Variants in COL4A5 observed in about 807,000 individuals in gnomAD.
COL4A5 encodes the protein collagen alpha-5(IV) chain.
COL4A5 carries 26 observed loss-of-function variants against 130.2 expected under a neutral mutation model. The ratio of observed to expected loss-of-function variants is 0.20; its 90% CI spans 0.15 to 0.28. COL4A5 has a LOEUF of 0.28. Among genes scored for constraint, COL4A5 ranks in the 10% least tolerant of loss-of-function variants. The probability of loss-of-function intolerance (pLI) is 1.00; values close to 1 mark genes in which losing one functional copy is unlikely to be tolerated. For missense variants in COL4A5, 1,131 were observed against 1,344.3 expected, an observed-to-expected ratio of 0.84 and a Z score of 2.48; for synonymous variants, 496 against 439.6, an observed-to-expected ratio of 1.13 and a Z score of -1.60.
chrX:108,596,054 T>G (rs2066511467), intron 22 of COL4A5, among the ~76,000 whole-genome samples: 1 of 111,711 alleles, frequency 9.0e-6, no homozygotes, highest in South Asian at 3.8e-4. Context: ...TCTCTATATA[T>G]AACACATCTA....
intron 1 of COL4A5, among the ~76,000 whole-genome samples, chrX:108,473,633 A>ATATATATATATATATATATATTTTTT: frequency 2.9e-5 from 1 of 34,567 alleles, no homozygotes; most frequent in African/African-American, 1.1e-4. Flanking sequence ...ATATATATAT[A>ATATATATATATATATATATATTTTTT]TTTTTTTTTT....
intron 30 of COL4A5, among the ~76,000 whole-genome samples, chrX:108,616,451 G>T (rs2066929242): frequency 9.0e-6 from 1 of 110,744 alleles, no homozygotes; most frequent in South Asian, 3.9e-4. Flanking sequence ...GACCAGGCTG[G>T]TCTCGAACTC....
chrX:108,689,451 T>C (rs2068609643), intron 49 of COL4A5: 1 of 751,559 alleles, frequency 1.3e-6, no homozygotes, highest in Admixed American at 8.8e-5. Flanking sequence ...CATGTAATTA[T>C]AACTTTTCAG....
At chrX:108,690,020 G>A (rs909645003) in intron 49 of COL4A5, 17 of 751,224 alleles carry the variant, frequency 2.3e-5, no homozygotes, top group African/African-American at 9.3e-5. Flanking sequence ...TTTTCCTTAC[G>A]AGACTGGATA....
intron 1 of COL4A5, among the ~76,000 whole-genome samples, chrX:108,478,956 T>C (rs2064862684): frequency 8.9e-6 from 1 of 112,073 alleles, no homozygotes; most frequent in Non-Finnish European, 1.9e-5. Context: ...TTTTGGTCTC[T>C]GCTGCTGGCA....
At chrX:108,685,951 C>T (rs1457093241) in intron 47 of COL4A5, 80 bp from the exon 48 acceptor site, 6 of 855,316 alleles carry the variant, frequency 7.0e-6, no homozygotes, top group South Asian at 4.3e-5. Context: ...TTCAGTGTCT[C>T]GAGAACCTTA....
In COL4A5 at chrX:108,571,416, G is replaced by T. The variant is rs104886051; in HGVS notation, c.388G>T (p.Glu130Ter). The change falls in exon 7 of 53, where the codon GAA (glutamate) becomes TAA (stop). Residue 130 changes from glutamate to a stop codon, truncating the protein, a stop_gained. Transcript: ENST00000328300. LOFTEE classifies it high-confidence loss of function. ...GIPGCNGTKG[E>*]RGFPGSPGFP... ...CTTTATTTTTAACTCCTTCTAGGGA[G>T]AACGTGGATTTCCAGGCAGTCCCGG... The T allele has an allele frequency of 1.7e-6, 2 of 1,198,324 alleles. No individual in the cohort carries two copies. The highest frequency in any genetic ancestry group is 3.5e-5 in the South Asian group (2 of 56,621).
intron 19 of COL4A5, among the ~76,000 whole-genome samples, chrX:108,590,054 A>T (rs936166972): frequency 1.8e-5 from 2 of 112,183 alleles, no homozygotes; most frequent in Admixed American, 9.5e-5. Flanking sequence ...ACTAATCAGC[A>T]AATAAATGCA....
At chrX:108,574,736 C>T (rs950622483) in intron 9 of COL4A5, among the ~76,000 whole-genome samples, 1 of 111,583 alleles carries the variant, frequency 9.0e-6, no homozygotes, top group Non-Finnish European at 1.9e-5. Context: ...ATATAACTTT[C>T]CATTTGTGGA....
intron 1 of COL4A5, among the ~76,000 whole-genome samples, chrX:108,520,862 A>C (rs1301937822): frequency 1.8e-5 from 2 of 111,810 alleles, no homozygotes; most frequent in Non-Finnish European, 3.8e-5. Flanking sequence ...TTTTCAAAAA[A>C]TTTAAAGACG....
intron 48 of COL4A5, among the ~76,000 whole-genome samples, chrX:108,686,968 A>G (rs1256839543): frequency 4.5e-5 from 5 of 112,076 alleles, no homozygotes; most frequent in African/African-American, 1.6e-4. Context: ...ATGAAAATTT[A>G]TACACAGACT....
chrX:108,548,467 C>T (rs939777589), intron 2 of COL4A5, among the ~76,000 whole-genome samples: 5 of 110,975 alleles, frequency 4.5e-5, no homozygotes, highest in African/African-American at 1.6e-4. Context: ...CCAGTGACCT[C>T]TGTGACAGTG....
intron 29 of COL4A5, among the ~76,000 whole-genome samples, chrX:108,614,096 G>C (rs2066883923): frequency 8.9e-6 from 1 of 111,776 alleles, no homozygotes; most frequent in Non-Finnish European, 1.9e-5. Flanking sequence ...GCAGTAAAAA[G>C]TAACTACTGA....
rs1374496685 is a variant in COL4A5, at chrX:108,597,475, G to A, written c.1686G>A (p.Glu562=). ...CAGGAATGAAGGGTGACAAAGGAGA[G>A]TTGGGTTCCCCTGGAGCTCCAGGGC... ...TFPGMKGDKG[E]LGSPGAPGLP... Residue 562 remains glutamate (E), a synonymous_variant, in exon 24 of 53, where the codon GAG becomes GAA. Transcript: ENST00000328300. 5 of 1,208,382 alleles carry A rather than the reference G, an allele frequency of 4.1e-6. No individual in the cohort carries two copies. Among genetic ancestry groups the A allele is most frequent in the Non-Finnish European group, 5.6e-6 (5 of 894,406 alleles).
chrX:108,580,489 G>T (rs1443306031), intron 13 of COL4A5, 44 bp from the exon 14 acceptor site: 1 of 1,078,093 alleles, frequency 9.3e-7, no homozygotes, highest in Non-Finnish European at 1.3e-6. Flanking sequence ...GAAAATGCAT[G>T]TTCCAGTATT....
At chrX:108,622,421 G>A (rs1333534636) in intron 32 of COL4A5, among the ~76,000 whole-genome samples, 2 of 112,099 alleles carry the variant, frequency 1.8e-5, no homozygotes, top group South Asian at 7.5e-4. Flanking sequence ...TTGAGCCACC[G>A]TGCCCGTCTG....
At chrX:108,648,096 A>G (rs2067644003) in intron 36 of COL4A5, among the ~76,000 whole-genome samples, 1 of 111,089 alleles carries the variant, frequency 9.0e-6, no homozygotes, top group South Asian at 3.8e-4. Context: ...CTGGCCTCAT[A>G]AAATGAGTTA....
At chrX:108,503,759 T>C (rs1983145853) in intron 1 of COL4A5, among the ~76,000 whole-genome samples, 2 of 111,734 alleles carry the variant, frequency 1.8e-5, no homozygotes, top group Admixed American at 1.9e-4. Context: ...AAATCATAGA[T>C]GACAAAAACA....
At chrX:108,672,054 G>T (rs948378179) in intron 42 of COL4A5, among the ~76,000 whole-genome samples, 5 of 111,990 alleles carry the variant, frequency 4.5e-5, no homozygotes, top group Non-Finnish European at 7.5e-5. Flanking sequence ...CTATTCTACA[G>T]GGAGCAGACT....
Sources: gnomAD v4.1 joint callset for allele counts (sites outside exome capture counted in the v4.1 genomes callset) on GRCh38, gnomAD v4.1.1 for gene constraint, MANE v1.5 for transcripts, NCBI Gene and HGNC (gene_info 2026-07-23, HGNC 2026-07-21) for gene names.